Variants in NOXO1 observed in about 807,000 individuals in gnomAD.
NOXO1 encodes NADPH oxidase organizer 1.
Under a neutral mutation model 33.3 loss-of-function variants are expected in NOXO1, and 38 were observed. That is an observed-to-expected ratio of 1.14 (90% CI 0.88 to 1.50). The LOEUF (loss-of-function observed/expected upper bound fraction) is 1.50. Ranked by LOEUF, NOXO1 falls within the 40% of genes most tolerant of loss-of-function variation. The pLI, the probability that NOXO1 is intolerant of heterozygous loss-of-function variation, is 0.00. For missense variants in NOXO1, 675 were observed against 527.1 expected (o/e 1.28, Z -2.75); for synonymous variants, 302 against 237.3 (o/e 1.27, Z -2.51).
In NOXO1 at chr16:1,980,656, C is replaced by G. The variant is rs754828616; in HGVS notation, c.223G>C (p.Asp75His). ...GCTCCCGTACCCAGGCTGGCCTGAC[C>G]GAGAAGCTTTGGGAGAACGCGGTCA... The part of the protein sequence containing the change: ...RSDRVLPKLL[D>H]APLLGRVGRT... The change falls in exon 3 of 8, where the codon GAT (aspartate) becomes CAT (histidine). Residue 75 changes from aspartate (D) to histidine (H), a missense_variant and splice_region_variant. Coordinates refer to ENST00000356120, the MANE Select transcript of NOXO1 (RefSeq NM_172167.3). The G allele has an allele frequency of 3.7e-6, 6 of 1,605,164 alleles. No homozygotes were observed. The highest frequency in any genetic ancestry group is 5.1e-6 in the Non-Finnish European group (6 of 1,176,132).
In NOXO1 at chr16:1,979,401, C is replaced by T. The variant is rs774965007; in HGVS notation, c.818+24G>A. On this transcript the variant is annotated intron_variant, in intron 7 of 7. Transcript: ENST00000356120. The stretch of plus-strand genomic sequence containing the variant: ...CCCCGCCCGCCTCGGCTAGCCTGCC[C>T]TGCCCACGCCCGCTCCCGCGTACCT... The T allele has an allele frequency of 5.0e-6, 8 of 1,601,842 alleles. No homozygotes were observed. In the East Asian group the frequency reaches 1.3e-4, roughly 27 times the overall value.
chr16:1,981,431 A>G lies in NOXO1; in HGVS notation c.-252T>C. ...CCAGGCAGAGCTGCTGGGAGGAAGAAGAAGAATGAGCTTTCCAGCCCTGGA... is the reference window on the plus strand; with the variant it reads ...CCAGGCAGAGCTGCTGGGAGGAAGAGGAAGAATGAGCTTTCCAGCCCTGGA... On this transcript the variant is annotated 5_prime_UTR_variant, in exon 1 of 8. Transcript: ENST00000356120. 1.1e-6 allele frequency: 1 copy of G among 900,634 alleles called. No homozygotes were observed. Among genetic ancestry groups the G allele is most frequent in the Non-Finnish European group, 1.6e-6 (1 of 621,670 alleles). The allele number at this position is 900,634 out of a possible 1,614,324, so 55.8% of individuals were successfully genotyped here. A position where few individuals can be genotyped will look rare whatever the true frequency, so the allele number is the denominator to read the frequency against.
intron 6 of NOXO1, 95 bp from the exon 7 acceptor site, chr16:1,979,637 C>G: frequency 7.7e-7 from 1 of 1,303,752 alleles, no homozygotes; most frequent in Non-Finnish European, 1.1e-6. Flanking sequence ...AGTCTGCTGA[C>G]GGCGGGGCCG....
intron 6 of NOXO1, 106 bp downstream of exon 6, chr16:1,979,684 G>A (rs2083457744): frequency 8.4e-7 from 1 of 1,186,512 alleles, no homozygotes; most frequent in Admixed American, 2.5e-5. Flanking sequence ...TAGGTGCGGA[G>A]ACCAAGCACG....
At position 1,981,315 on chromosome 16, in the gene NOXO1, T is replaced by C; in HGVS notation, c.-136A>G. The C allele has an allele frequency of 6.9e-7, 1 of 1,459,260 alleles. No individual in the cohort carries two copies. The allele number at this position is 1,459,260 out of a possible 1,614,324, so 90.4% of individuals were successfully genotyped here. A position where few individuals can be genotyped will look rare whatever the true frequency, so the allele number is the denominator to read the frequency against. The stretch of plus-strand genomic sequence containing the variant: ...CAACACCTCAAGCCTGTGGGGTCCT[T>C]GTGGAGCCGCCCCAGCTGAGTCCTT... On this transcript the variant is annotated 5_prime_UTR_variant, in exon 1 of 8. Transcript: ENST00000356120.
Position 1,980,198 on chromosome 16 carries a change from G to T in NOXO1, c.402-17C>A. 2 of 1,588,202 alleles carry T rather than the reference G, an allele frequency of 1.3e-6. No individual in the cohort carries two copies. Among genetic ancestry groups the T allele is most frequent in the Non-Finnish European group, 1.7e-6 (2 of 1,170,420 alleles). ...ATCACCCGGCTGGGAAGGGCAGCCCGTACGAGTGAGAGGTAGGCGGATGGG... is the reference window on the plus strand; with the variant it reads ...ATCACCCGGCTGGGAAGGGCAGCCCTTACGAGTGAGAGGTAGGCGGATGGG... On this transcript the variant is annotated splice_polypyrimidine_tract_variant and intron_variant, in intron 4 of 7. Coordinates refer to ENST00000356120, the MANE Select transcript of NOXO1 (RefSeq NM_172167.3).
At position 1,980,126 on chromosome 16, in the gene NOXO1, G is replaced by GGCGGCCCGCAGCGCGA. The variant is rs1567330804; in HGVS notation, c.441_456dup (p.Leu153SerfsTer30). 1.2e-6 allele frequency: 2 copies of GGCGGCCCGCAGCGCGA among 1,606,590 alleles called. No individual in the cohort carries two copies. The highest frequency in any genetic ancestry group is 1.7e-6 in the Non-Finnish European group (2 of 1,178,444). On this transcript the variant is annotated frameshift_variant, in exon 5 of 8. Transcript: ENST00000356120. LOFTEE classifies it high-confidence loss of function. Reference sequence around the variant, plus strand: ...TGAGCCTCCAGACTGTGGATGGAGAGGCGGCCCGCAGCGCGAGAAAGAGGC... The same window carrying GGCGGCCCGCAGCGCGA: ...TGAGCCTCCAGACTGTGGATGGAGAGGCGGCCCGCAGCGCGAGCGGCCCGCAGCGCGAGAAAGAGGC...
At chr16:1,980,324 C>G (rs1389841097) in intron 4 of NOXO1, 43 bp downstream of exon 4, 2 of 1,577,886 alleles carry the variant, frequency 1.3e-6, no homozygotes, top group African/African-American at 2.7e-5. Context: ...TCTCCCAGCT[C>G]CAAACGCCGC....
Position 1,979,836 on chromosome 16 carries a change from C to T in NOXO1, c.654G>A (p.Ala218=), listed in dbSNP as rs2083461661. The T allele has an allele frequency of 6.3e-7, 1 of 1,575,576 alleles. No individual in the cohort carries two copies. Among genetic ancestry groups the T allele is most frequent in the Non-Finnish European group, 8.6e-7 (1 of 1,162,166 alleles). Reference sequence around the variant, plus strand: ...CTCCCTCCCGGCCTTGGCCCGGGGCCGCCTCCTCCAGGTAGGGCGCTGGAA... The same window carrying T: ...CTCCCTCCCGGCCTTGGCCCGGGGCTGCCTCCTCCAGGTAGGGCGCTGGAA... ...AWFPAPYLEE[A]APGQGREGGP... The change falls in exon 6 of 8, where the codon GCG becomes GCA. Residue 218 remains alanine (A), a synonymous_variant. Transcript: ENST00000356120.
chr16:1,980,789 G>A (rs1376731897), intron 2 of NOXO1, 58 bp from the exon 3 acceptor site: 1 of 1,529,386 alleles, frequency 6.5e-7, no homozygotes, highest in African/African-American at 1.4e-5. Context: ...CCTTGAGAGG[G>A]CGGGGTCCCT....
Position 1,980,453 on chromosome 16 carries a change from A to G in NOXO1, c.315T>C (p.Thr105=), listed in dbSNP as rs1362179245. Reference sequence around the variant, plus strand: ...TCGGGCTCCGTGCCACGCGCTCTGCAGTCGCCAGCAGCCTCCGAGAATAGG... The same window carrying G: ...TCGGGCTCCGTGCCACGCGCTCTGCGGTCGCCAGCAGCCTCCGAGAATAGG... The part of the protein sequence containing the change: ...LETYSRRLLA[T]AERVARSPTI... The change falls in exon 4 of 8, where the codon ACT becomes ACC. Residue 105 remains threonine, a synonymous_variant. Coordinates refer to ENST00000356120, the MANE Select transcript of NOXO1 (RefSeq NM_172167.3). 6.2e-7 allele frequency: 1 copy of G among 1,601,796 alleles called. No homozygotes were observed. Among genetic ancestry groups the G allele is most frequent in the African/African-American group, 1.3e-5 (1 of 74,942 alleles).
In NOXO1 at chr16:1,981,427, A is replaced by G; in HGVS notation, c.-248T>C. ...ACTTCCAGGCAGAGCTGCTGGGAGG[A>G]AGAAGAAGAATGAGCTTTCCAGCCC... On this transcript the variant is annotated 5_prime_UTR_variant, in exon 1 of 8. Coordinates refer to ENST00000356120, the MANE Select transcript of NOXO1 (RefSeq NM_172167.3). 1 of 918,958 alleles carries G rather than the reference A, an allele frequency of 1.1e-6. No individual in the cohort carries two copies. The highest frequency in any genetic ancestry group is 1.6e-6 in the Non-Finnish European group (1 of 639,920). 56.9% of individuals were successfully genotyped at this position (918,958 alleles called of 1,614,324 possible).
chr16:1,980,611 G>A (rs758879478), intron 3 of NOXO1, 45 bp downstream of exon 3: 6 of 1,591,734 alleles, frequency 3.8e-6, no homozygotes, highest in Non-Finnish European at 5.1e-6. Flanking sequence ...GGCGCCCCCA[G>A]GCAAGCCACC....
chr16:1,979,888 TCCACCAG>T lies in NOXO1; in HGVS notation c.595_601del (p.Leu199ArgfsTer30). 1 of 1,583,190 alleles carries T rather than the reference TCCACCAG, an allele frequency of 6.3e-7. No individual in the cohort carries two copies. Among genetic ancestry groups the T allele is most frequent in the Non-Finnish European group, 8.6e-7 (1 of 1,165,790 alleles). On this transcript the variant is annotated frameshift_variant, in exon 6 of 8. Transcript: ENST00000356120. LOFTEE classifies it high-confidence loss of function. ...CCAGGCGGTCTGCCGGTCTTCGTTC[TCCACCAG>T]CCACCAGCCTGTGCGCAAGAAGCGG...
Position 1,980,165 on chromosome 16 carries a change from TGGGCAGGATCACCCGGCTGGGAA to T in NOXO1, c.402-7_417del. On this transcript the variant is annotated splice_acceptor_variant and splice_polypyrimidine_tract_variant and coding_sequence_variant and intron_variant, in exon 5 of 8. Transcript: ENST00000356120. LOFTEE classifies it high-confidence loss of function. ...CGAGAAAGAGGCTGCTCCTCTGGGG[TGGGCAGGATCACCCGGCTGGGAA>T]GGGCAGCCCGTACGAGTGAGAGGTA... The T allele has an allele frequency of 6.2e-7, 1 of 1,600,422 alleles. No individual in the cohort carries two copies. Among genetic ancestry groups the T allele is most frequent in the Non-Finnish European group, 8.5e-7 (1 of 1,176,324 alleles).
chr16:1,978,943 G>A lies in NOXO1; in HGVS notation c.*109C>T. The A allele has an allele frequency of 1.7e-6, 2 of 1,199,746 alleles. No individual in the cohort carries two copies. Among genetic ancestry groups the A allele is most frequent in the Non-Finnish European group, 2.3e-6 (2 of 866,928 alleles). The allele number at this position is 1,199,746 out of a possible 1,614,324, so 74.3% of individuals were successfully genotyped here. Reference sequence around the variant, plus strand: ...CATGCAGAACAAGCTTTACTCAGAGGAACAGCAAATGGCCCCCTCCCATCC... The same window carrying A: ...CATGCAGAACAAGCTTTACTCAGAGAAACAGCAAATGGCCCCCTCCCATCC... On this transcript the variant is annotated 3_prime_UTR_variant, in exon 8 of 8. Coordinates refer to ENST00000356120, the MANE Select transcript of NOXO1 (RefSeq NM_172167.3).
At chr16:1,979,748 C>A in intron 6 of NOXO1, 42 bp downstream of exon 6, 1 of 1,432,168 alleles carries the variant, frequency 7.0e-7, no homozygotes, top group South Asian at 1.3e-5. Context: ...GCCACACGGT[C>A]AAGCCGCAGT....
At position 1,980,487 on chromosome 16, in the gene NOXO1, A is replaced by G. The variant is rs769761978; in HGVS notation, c.281T>C (p.Leu94Pro). Residue 94 changes from leucine to proline, a missense_variant, in exon 4 of 8, where the codon CTG becomes CCG. Physicochemically the swap from Leu to Pro is moderately conservative, Grantham distance 98. Coordinates refer to ENST00000356120, the MANE Select transcript of NOXO1 (RefSeq NM_172167.3). The part of the protein sequence containing the change: ...RTSRGLARLQ[L>P]LETYSRRLLA... The stretch of plus-strand genomic sequence containing the variant: ...CAGCCTCCGAGAATAGGTTTCCAAC[A>G]GCTGCAGGCGCGCCAGGCCGCGGCT... The G allele has an allele frequency of 3.9e-5, 62 of 1,602,622 alleles. No homozygotes were observed. The highest frequency in any genetic ancestry group is 5.3e-5 in the Non-Finnish European group (62 of 1,179,626).
In NOXO1 at chr16:1,980,286, C is replaced by T. The variant is rs553734924; in HGVS notation, c.401+81G>A. The T allele has an allele frequency of 4.1e-3, 6,285 of 1,519,248 alleles. 46 individuals carry two copies. The highest frequency in any genetic ancestry group is 4.2e-3 in the Non-Finnish European group (4,816 of 1,133,360). 94.1% of individuals were successfully genotyped at this position (1,519,248 alleles called of 1,614,324 possible). On this transcript the variant is annotated intron_variant, in intron 4 of 7. Transcript: ENST00000356120. Reference sequence around the variant, plus strand: ...CAGCCTCCCACTCTCTGCCCCTATTCGCTGGCTGTTCCCCCCCACCCTGGA... The same window carrying T: ...CAGCCTCCCACTCTCTGCCCCTATTTGCTGGCTGTTCCCCCCCACCCTGGA...
Sources: gnomAD v4.1 joint callset for allele counts on GRCh38, gnomAD v4.1.1 for gene constraint, MANE v1.5 for transcripts, NCBI Gene and HGNC (gene_info 2026-07-23, HGNC 2026-07-21) for gene names.